Variants in LATS1 observed in about 807,000 individuals in gnomAD.
LATS1 encodes large tumor suppressor kinase 1, also known as serine/threonine-protein kinase LATS1.
LATS1 carries 25 observed loss-of-function variants against 106.6 expected under a neutral mutation model. The ratio of observed to expected loss-of-function variants is 0.23; its 90% confidence interval spans 0.17 to 0.33. LATS1 has a LOEUF of 0.33. Ranked by LOEUF, LATS1 falls within the 10% of genes least tolerant of loss-of-function variation. The pLI, the probability that LATS1 is intolerant of heterozygous loss-of-function variation, is 1.00. For synonymous variants in LATS1, 465 were observed against 455.6 expected (o/e 1.02, Z -0.26); for missense variants, 1,040 against 1,382.6 (o/e 0.75, Z 3.93).
chr6:149,692,022 T>C (rs1178425917), intron 3 of LATS1, among the ~76,000 whole-genome samples: 7 of 152,046 alleles, frequency 4.6e-5, no homozygotes, highest in Admixed American at 4.6e-4. Context: ...AAGCCCAAAT[T>C]ACCCTCACAA....
intron 5 of LATS1, 87 bp downstream of exon 5, chr6:149,679,788 C>G (rs1392680340): frequency 3.0e-6 from 3 of 996,184 alleles, no homozygotes; most frequent in Admixed American, 5.6e-5. Flanking sequence ...TGGCTCTCAT[C>G]CAGTGATGAT....
In LATS1 at chr6:149,661,586, C is replaced by T; in HGVS notation, c.*143G>A. On this transcript the variant is annotated 3_prime_UTR_variant, in exon 8 of 8. Coordinates refer to ENST00000543571, the MANE Select transcript of LATS1 (RefSeq NM_004690.4). ...AAATTAACATTTTAAAAGGATTTCC[C>T]ATAATTTAGGAAAATAAAATATTGT... 4 of 593,836 alleles carry T rather than the reference C, an allele frequency of 6.7e-6. No individual in the cohort carries two copies. Among genetic ancestry groups the T allele is most frequent in the Admixed American group, 3.4e-5 (1 of 29,454 alleles). The allele number at this position is 593,836 out of a possible 1,614,324, so 36.8% of individuals were successfully genotyped here.
chr6:149,684,767 A>G (rs1444262178), intron 3 of LATS1, among the ~76,000 whole-genome samples, 175 bp from the exon 4 acceptor site: 2 of 152,208 alleles, frequency 1.3e-5, no homozygotes, highest in Non-Finnish European at 1.5e-5. Context: ...TGTAGTTAAT[A>G]ACAACGTATT....
At position 149,683,754 on chromosome 6, in the gene LATS1, C is replaced by T. The variant is rs1189523336; in HGVS notation, c.1335G>A (p.Pro445=). ...QSSSAPAQSS[P]SSGHEIPTWQ... is the part of the protein sequence containing the mutation. ...ATGTAGGGATTTCATGCCCACTGCT[C>T]GGGGATGACTGGGCTGGAGCAGAAG... Residue 445 remains proline, a synonymous_variant, in exon 4 of 8, where the codon CCG becomes CCA. Coordinates refer to ENST00000543571, the MANE Select transcript of LATS1 (RefSeq NM_004690.4). 7.4e-6 allele frequency: 12 copies of T among 1,613,850 alleles called. No homozygotes were observed. The highest frequency in any genetic ancestry group is 1.1e-5 in the South Asian group (1 of 91,072).
intron 7 of LATS1, among the ~76,000 whole-genome samples, chr6:149,666,120 C>G (rs1207522576): frequency 9.3e-6 from 1 of 107,768 alleles, no homozygotes; most frequent in Admixed American, 1.4e-4. Context: ...GCCTGGGTGA[C>G]AGAGAGAGAC....
chr6:149,689,167 CAA>C (rs879487599), intron 3 of LATS1, among the ~76,000 whole-genome samples: 6 of 133,698 alleles, frequency 4.5e-5, no homozygotes, highest in Non-Finnish European at 8.1e-5. Flanking sequence ...AACTTTGTCT[CAA>C]AAAAAAAAAA....
At chr6:149,669,556 T>TC (rs1398556121) in intron 7 of LATS1, among the ~76,000 whole-genome samples, 2 of 151,960 alleles carry the variant, frequency 1.3e-5, no homozygotes, top group Non-Finnish European at 1.5e-5. Context: ...GCCCAGAAGT[T>TC]CAAGACCAGC....
At position 149,684,297 on chromosome 6, in the gene LATS1, A is replaced by T; in HGVS notation, c.792T>A (p.Pro264=). ...GAGAGTTTGGTTCCCATGAAGGGGG[A>T]GGTGGAGTTGTACCTCTTGGAGGGG... ...QTPPPRGTTP[P]PPSWEPNSQT... is the part of the protein sequence containing the mutation. Residue 264 remains proline (P), a synonymous_variant, in exon 4 of 8, where the codon CCT becomes CCA. Transcript: ENST00000543571. 1 of 1,613,382 alleles carries T rather than the reference A, an allele frequency of 6.2e-7. No individual in the cohort carries two copies. Among genetic ancestry groups the T allele is most frequent in the South Asian group, 1.1e-5 (1 of 91,042 alleles).
In LATS1 at chr6:149,684,611, T is replaced by TA; in HGVS notation, c.497-20dup. On this transcript the variant is annotated intron_variant, in intron 3 of 7. Transcript: ENST00000543571. ...ACATTCCCTATGGTTATAAGAGAGA[T>TA]AAAGAGAAAAAAGAATCATGTTTTT... 6.7e-7 allele frequency: 1 copy of TA among 1,493,784 alleles called. No homozygotes were observed. The allele number at this position is 1,493,784 out of a possible 1,614,324, so 92.5% of individuals were successfully genotyped here.
intron 5 of LATS1, among the ~76,000 whole-genome samples, chr6:149,679,411 G>A (rs1211203805): frequency 1.3e-5 from 2 of 151,846 alleles, no homozygotes; most frequent in African/African-American, 4.8e-5. Context: ...AATTAGCCGG[G>A]CGTACTGGCA....
rs148773967 is a variant in LATS1 at position 149,713,572 on chromosome 6, A to T, written c.-141+4277T>A. The stretch of plus-strand genomic sequence containing the variant: ...TGGCCTCTCAAAGTGCTGCGATTAC[A>T]GGTGTGAGCCACCATACCCGGACAA... On this transcript the variant is annotated intron_variant, in intron 1 of 7. Transcript: ENST00000543571. 1.6e-3 allele frequency among the ~76,000 whole-genome samples: 248 copies of T among 152,320 alleles called. 1 individual carries two copies. The highest frequency in any genetic ancestry group is 5.6e-3 in the African/African-American group (234 of 41,580).
chr6:149,676,129 G>A, intron 7 of LATS1, 131 bp downstream of exon 7: 1 of 648,470 alleles, frequency 1.5e-6, no homozygotes, highest in Non-Finnish European at 2.8e-6. Flanking sequence ...TGGCATTATG[G>A]GTGTGAGCCA....
chr6:149,711,254 AT>A (rs150549047), intron 1 of LATS1, among the ~76,000 whole-genome samples: 9,873 of 151,912 alleles, frequency 0.065, 433 homozygotes, highest in Non-Finnish European at 0.096. Context: ...AAAAAAAAAA[AT>A]ATCTTTTGGC....
intron 1 of LATS1, among the ~76,000 whole-genome samples, chr6:149,706,277 A>C (rs1219929290): frequency 7.3e-6 from 1 of 136,598 alleles, no homozygotes; most frequent in Non-Finnish European, 1.5e-5. Flanking sequence ...CCAAAGTGGG[A>C]GGATCACTTG....
At chr6:149,696,362 A>C (rs1783064874) in intron 2 of LATS1, among the ~76,000 whole-genome samples, 1 of 150,306 alleles carries the variant, frequency 6.7e-6, no homozygotes, top group Non-Finnish European at 1.5e-5. Context: ...TGAGGTCAGG[A>C]GCTCCAGACC....
intron 5 of LATS1, among the ~76,000 whole-genome samples, chr6:149,677,372 A>G (rs9379347): frequency 0.99 from 150,176 of 152,344 alleles, 74,031 homozygotes; most frequent in Middle Eastern, 1. Context: ...GAAGACCAGC[A>G]CAGCTGATAA....
intron 7 of LATS1, among the ~76,000 whole-genome samples, chr6:149,670,709 C>G (rs1249529535): frequency 6.6e-6 from 1 of 151,602 alleles, no homozygotes; most frequent in Non-Finnish European, 1.5e-5. Context: ...TTTAAAGAGA[C>G]AGAGATCCAT....
chr6:149,669,703 G>A (rs1262823293), intron 7 of LATS1, among the ~76,000 whole-genome samples: 1 of 151,912 alleles, frequency 6.6e-6, no homozygotes, highest in Non-Finnish European at 1.5e-5. Context: ...AGGTTGCAGT[G>A]AGCTGAGATC....
chr6:149,686,502 C>A (rs1782383276), intron 3 of LATS1, among the ~76,000 whole-genome samples: 1 of 152,180 alleles, frequency 6.6e-6, no homozygotes, highest in Non-Finnish European at 1.5e-5. Flanking sequence ...CTCGGCTCCA[C>A]AGCCAGCAAA....
Sources: gnomAD v4.1 joint callset for allele counts (sites outside exome capture counted in the v4.1 genomes callset) on GRCh38, gnomAD v4.1.1 for gene constraint, MANE v1.5 for transcripts, NCBI Gene and HGNC (gene_info 2026-07-23, HGNC 2026-07-21) for gene names.